Variants in ARHGEF33 observed in about 807,000 individuals in gnomAD.
ARHGEF33 encodes the protein DH and coiled-coil domain-containing protein ENSP00000381780.
A neutral mutation model predicts 101.9 loss-of-function variants in ARHGEF33; 72 were observed. The observed-to-expected ratio is 0.71, with a 90% confidence interval of 0.58 to 0.86. The LOEUF is 0.86. ARHGEF33 is among the 40% of genes least tolerant of loss of function. ARHGEF33 has a pLI of 0.00. For missense variants in ARHGEF33, 1,169 were observed against 1,111.3 expected, an observed-to-expected ratio of 1.05 and a Z score of -0.74; for synonymous variants, 499 against 442.5, an observed-to-expected ratio of 1.13 and a Z score of -1.60.
At chr2:38,921,834 C>T (rs1666764659) in intron 4 of ARHGEF33, among the ~76,000 whole-genome samples, 1 of 152,188 alleles carries the variant, frequency 6.6e-6, no homozygotes, top group Non-Finnish European at 1.5e-5. Flanking sequence ...ATGGCCATTA[C>T]ACTGCAAGAT....
intron 9 of ARHGEF33, among the ~76,000 whole-genome samples, chr2:38,940,403 A>G (rs1283965282): frequency 6.7e-6 from 1 of 149,850 alleles, no homozygotes; most frequent in East Asian, 1.9e-4. Context: ...AGTTGGCACT[A>G]CAGGCACAAG....
intron 2 of ARHGEF33, among the ~76,000 whole-genome samples, chr2:38,901,527 T>A (rs1666238620): frequency 6.6e-6 from 1 of 152,204 alleles, no homozygotes; most frequent in South Asian, 2.1e-4. Flanking sequence ...CACATCCCTA[T>A]CCTGGAAGAC....
Position 38,928,975 on chromosome 2 carries a change from A to G in ARHGEF33, c.144A>G (p.Gln48=). 1 of 1,551,684 alleles carries G rather than the reference A, an allele frequency of 6.4e-7. No homozygotes were observed. Among genetic ancestry groups the G allele is most frequent in the Non-Finnish European group, 8.7e-7 (1 of 1,146,894 alleles). The change falls in exon 5 of 18, where the codon CAA becomes CAG. Residue 48 remains glutamine (Q), a synonymous_variant. Coordinates refer to ENST00000409978, the MANE Select transcript of ARHGEF33 (RefSeq NM_001145451.5). ...CAATGCAAGAACTGTCAAGAATTCA[A>G]CATGGAGAATATGCTTTGGAAGAAA... ...TEAMQELSRI[Q]HGEYALEEKV...
chr2:38,969,448 C>T (rs1049610548), intron 17 of ARHGEF33: 6 of 169,204 alleles, frequency 3.5e-5, no homozygotes, highest in South Asian at 2.0e-4. Flanking sequence ...AATGCTGCTT[C>T]GGGATGAAGC....
At chr2:38,942,562 T>C (rs1667342162) in intron 9 of ARHGEF33, among the ~76,000 whole-genome samples, 3 of 151,828 alleles carry the variant, frequency 2.0e-5, no homozygotes, top group Non-Finnish European at 2.9e-5. Flanking sequence ...TAAAAGTTTC[T>C]CCTTTTTAAA....
chr2:38,931,020 A>G, intron 6 of ARHGEF33, 89 bp from the exon 7 acceptor site: 1 of 1,043,550 alleles, frequency 9.6e-7, no homozygotes, highest in Non-Finnish European at 1.3e-6. Context: ...TAATTCAGAC[A>G]TTTTCTTGAG....
chr2:38,921,414 G>C lies in ARHGEF33; in HGVS notation c.66G>C (p.Gln22His). The C allele has an allele frequency of 2.6e-6, 4 of 1,542,936 alleles. No individual in the cohort carries two copies. Among genetic ancestry groups the C allele is most frequent in the Non-Finnish European group, 3.5e-6 (4 of 1,138,982 alleles). The change falls in exon 4 of 18, where the codon CAG becomes CAC. Residue 22 changes from glutamine to histidine, a missense_variant. Transcript: ENST00000409978. The part of the protein sequence containing the change: ...EHMPVNNPST[Q>H]IYQLQALASE... The stretch of plus-strand genomic sequence containing the variant: ...TGCCGGTGAATAATCCTTCCACGCA[G>C]ATTTACCAGGTAAAGACAAATCGAT...
At chr2:38,973,604 T>C in intron 17 of ARHGEF33, 110 bp from the exon 18 acceptor site, 2 of 1,244,646 alleles carry the variant, frequency 1.6e-6, no homozygotes, top group Non-Finnish European at 1.1e-6. Flanking sequence ...AGTATTCCAG[T>C]TCTAGGAAGC....
chr2:38,920,770 G>A (rs1666739338), intron 3 of ARHGEF33, among the ~76,000 whole-genome samples: 1 of 152,118 alleles, frequency 6.6e-6, no homozygotes, highest in Non-Finnish European at 1.5e-5. Context: ...TCGAAGTCTA[G>A]TATTATACAT....
chr2:38,947,830 A>G (rs1558438700), intron 10 of ARHGEF33, among the ~76,000 whole-genome samples: 1 of 152,062 alleles, frequency 6.6e-6, no homozygotes, highest in African/African-American at 2.4e-5. Context: ...GCTACAGATC[A>G]CCACCAGGTG....
intron 4 of ARHGEF33, among the ~76,000 whole-genome samples, chr2:38,922,923 T>C (rs1666793591): frequency 1.3e-5 from 2 of 152,172 alleles, no homozygotes; most frequent in Non-Finnish European, 2.9e-5. Flanking sequence ...AAAACTGGTC[T>C]TCACTCAGTG....
At chr2:38,907,576 G>C (rs1199688470) in intron 2 of ARHGEF33, among the ~76,000 whole-genome samples, 2 of 152,176 alleles carry the variant, frequency 1.3e-5, no homozygotes, top group Non-Finnish European at 2.9e-5. Flanking sequence ...CACTGCCTGT[G>C]ATTTAGCAGA....
intron 4 of ARHGEF33, among the ~76,000 whole-genome samples, chr2:38,925,114 ATT>A (rs1666842823): frequency 6.6e-6 from 1 of 152,204 alleles, no homozygotes; most frequent in Non-Finnish European, 1.5e-5. Flanking sequence ...CTGCAGTGTG[ATT>A]TCAAGCATAT....
intron 17 of ARHGEF33, among the ~76,000 whole-genome samples, chr2:38,967,978 C>T (rs926479831): frequency 3.5e-5 from 5 of 143,986 alleles, no homozygotes; most frequent in African/African-American, 7.6e-5. Flanking sequence ...CCACAGTATT[C>T]CCACAACAAA....
intron 4 of ARHGEF33, among the ~76,000 whole-genome samples, chr2:38,922,159 A>G (rs1166914875): frequency 1.3e-5 from 2 of 152,196 alleles, no homozygotes; most frequent in Non-Finnish European, 2.9e-5. Context: ...TTATTCTGAC[A>G]TAATTTGTAA....
chr2:38,938,981 A>AT (rs1330862418), intron 9 of ARHGEF33, among the ~76,000 whole-genome samples: 1 of 151,430 alleles, frequency 6.6e-6, no homozygotes, highest in African/African-American at 2.4e-5. Flanking sequence ...ATTGATGGAC[A>AT]TTTTTTTTTG....
At chr2:38,943,224 G>A (rs185446965) in intron 9 of ARHGEF33, among the ~76,000 whole-genome samples, 19 of 152,276 alleles carry the variant, frequency 1.2e-4, no homozygotes, top group East Asian at 5.8e-4. Context: ...CACCATGTCC[G>A]GCTGATAGCT....
At chr2:38,921,847 C>T (rs1666764894) in intron 4 of ARHGEF33, among the ~76,000 whole-genome samples, 1 of 152,180 alleles carries the variant, frequency 6.6e-6, no homozygotes, top group Non-Finnish European at 1.5e-5. Flanking sequence ...TGCAAGATAA[C>T]ATTTCCATCA....
At chr2:38,929,214 A>G in intron 5 of ARHGEF33, 143 bp downstream of exon 5, 2 of 567,144 alleles carry the variant, frequency 3.5e-6, no homozygotes, top group South Asian at 2.3e-5. Flanking sequence ...GTAGATCACA[A>G]GGTCAGGAGT....
Sources: allele counts gnomAD v4.1 joint callset (sites outside exome capture counted in the v4.1 genomes callset), GRCh38; gene constraint gnomAD v4.1.1; transcripts MANE v1.5; gene names NCBI Gene and HGNC (gene_info 2026-07-23, HGNC 2026-07-21).